Variants in ATP10B observed in about 807,000 individuals in gnomAD.
ATP10B encodes the protein ATPase phospholipid transporting 10B (putative).
ATP10B carries 122 observed loss-of-function variants against 141.2 expected under a neutral mutation model. The ratio of observed to expected loss-of-function variants is 0.86; its 90% CI spans 0.75 to 1.00. The LOEUF (loss-of-function observed/expected upper bound fraction) is 1.00. Ranked by LOEUF, ATP10B falls within the 50% of genes least tolerant of loss-of-function variation. ATP10B has a pLI of 0.00. For missense variants in ATP10B, 1,876 were observed against 1,825.3 expected (o/e 1.03, Z -0.51); for synonymous variants, 685 against 692.0 (o/e 0.99, Z 0.16).
chr5:160,721,584 G>A (rs1026172813), intron 2 of ATP10B, among the ~76,000 whole-genome samples: 4 of 152,190 alleles, frequency 2.6e-5, no homozygotes, highest in African/African-American at 9.6e-5. Flanking sequence ...AATGTGAGAG[G>A]CAGGTGGAAA....
the ATP10B span, among the ~76,000 whole-genome samples, chr5:160,921,023 G>C: frequency 1.3e-5 from 2 of 152,038 alleles, no homozygotes; most frequent in Non-Finnish European, 2.9e-5. Context: ...AAATCAAATA[G>C]TAAGCAGTGA....
chr5:160,632,619 G>GT, intron 12 of ATP10B: 1 of 177,066 alleles, frequency 5.6e-6, no homozygotes, highest in Non-Finnish European at 9.8e-6. Context: ...TTTCCTCAGA[G>GT]GTTTTTTTTT....
the ATP10B span, among the ~76,000 whole-genome samples, chr5:160,867,785 G>C: frequency 6.6e-6 from 1 of 151,974 alleles, no homozygotes; most frequent in Non-Finnish European, 1.5e-5. Context: ...CTGTGGATTT[G>C]GGAAGAAATC....
Position 160,565,896 on chromosome 5 carries a change from A to T in ATP10B, c.3943T>A (p.Phe1315Ile). ...CAAGTTCCTTGCAGAGACAGGAAAA[A>T]GTATCTGGTGGGAAACAACAGAATA... The part of the protein sequence containing the change: ...TPVVALLPRY[F>I]FLSLQGTCGK... The change falls in exon 26 of 26, where the codon TTT becomes ATT. Residue 1315 changes from phenylalanine (F) to isoleucine (I), a missense_variant. Coordinates refer to ENST00000327245, the MANE Select transcript of ATP10B (RefSeq NM_025153.3). 6.2e-7 allele frequency: 1 copy of T among 1,607,058 alleles called. No individual in the cohort carries two copies. The highest frequency in any genetic ancestry group is 8.5e-7 in the Non-Finnish European group (1 of 1,177,672).
the ATP10B span, among the ~76,000 whole-genome samples, chr5:160,908,399 G>T: frequency 6.6e-6 from 1 of 152,016 alleles, no homozygotes; most frequent in Non-Finnish European, 1.5e-5. Context: ...ATGTCCGCTG[G>T]CCCATAGTCA....
At chr5:160,792,114 C>T (rs1771612086) in intron 1 of ATP10B, among the ~76,000 whole-genome samples, 1 of 151,988 alleles carries the variant, frequency 6.6e-6, no homozygotes. Context: ...GGAAATAAAT[C>T]CCCCCCTCCC....
At chr5:160,888,659 G>T in the ATP10B span, among the ~76,000 whole-genome samples, 1 of 152,136 alleles carries the variant, frequency 6.6e-6, no homozygotes, top group Non-Finnish European at 1.5e-5. Flanking sequence ...GCAATTCCAT[G>T]TTCCCTTCTG....
intron 21 of ATP10B, 29 bp from the exon 22 acceptor site, chr5:160,598,999 T>C (rs373444145): frequency 1.9e-6 from 3 of 1,608,308 alleles, no homozygotes; most frequent in Non-Finnish European, 1.7e-6. Context: ...GCCTTGTGAG[T>C]GGGGCTCCAT....
At chr5:160,756,921 A>T (rs115792514) in intron 2 of ATP10B, among the ~76,000 whole-genome samples, 1,946 of 152,108 alleles carry the variant, frequency 0.013, 35 homozygotes, top group African/African-American at 0.044. Context: ...TTATTTTTGT[A>T]AGTCTTTTTT....
intron 2 of ATP10B, among the ~76,000 whole-genome samples, chr5:160,747,349 C>T (rs1767874624): frequency 6.6e-6 from 1 of 152,194 alleles, no homozygotes; most frequent in Non-Finnish European, 1.5e-5. Context: ...TAGCAGTCCT[C>T]TAAACAGCCT....
chr5:160,761,932 C>T (rs1769078257), intron 2 of ATP10B, among the ~76,000 whole-genome samples: 1 of 152,038 alleles, frequency 6.6e-6, no homozygotes, highest in Non-Finnish European at 1.5e-5. Context: ...AAATGCAAAA[C>T]ACACTGAAAG....
intron 24 of ATP10B, among the ~76,000 whole-genome samples, chr5:160,571,289 T>C (rs1754859139): frequency 6.6e-6 from 1 of 152,200 alleles, no homozygotes; most frequent in Non-Finnish European, 1.5e-5. Flanking sequence ...ATACTTCTTT[T>C]GACCAATTCA....
At chr5:160,882,880 G>A in the ATP10B span, among the ~76,000 whole-genome samples, 1 of 151,984 alleles carries the variant, frequency 6.6e-6, no homozygotes, top group African/African-American at 2.4e-5. Context: ...CAGATATCAA[G>A]TCAGAATTCT....
At chr5:160,575,369 G>GT (rs1040310885) in intron 24 of ATP10B, among the ~76,000 whole-genome samples, 19 of 151,876 alleles carry the variant, frequency 1.3e-4, no homozygotes, top group Admixed American at 2.6e-4. Flanking sequence ...GTAGCCTTTG[G>GT]TTTTTTATGG....
chr5:160,879,460 G>A, the ATP10B span, among the ~76,000 whole-genome samples: 6 of 138,006 alleles, frequency 4.3e-5, no homozygotes, highest in South Asian at 2.5e-4. Flanking sequence ...TGGGTGCAGC[G>A]CACCAGCATG....
chr5:160,735,878 T>G (rs1767083039), intron 2 of ATP10B, among the ~76,000 whole-genome samples: 1 of 152,130 alleles, frequency 6.6e-6, no homozygotes, highest in South Asian at 2.1e-4. Flanking sequence ...TTAAACAATG[T>G]GCTCCTGAAT....
At chr5:160,581,829 G>A (rs559480507) in intron 24 of ATP10B, among the ~76,000 whole-genome samples, 13 of 152,260 alleles carry the variant, frequency 8.5e-5, no homozygotes, top group Admixed American at 6.5e-4. Flanking sequence ...GAATCTGGGT[G>A]CCCTGTATTT....
the ATP10B span, among the ~76,000 whole-genome samples, chr5:160,883,724 C>G: frequency 6.6e-6 from 1 of 151,968 alleles, no homozygotes; most frequent in Admixed American, 6.6e-5. Flanking sequence ...TGTAAGCCTT[C>G]CAAATTATCA....
chr5:160,844,546 CTTTG>C (rs1214891196), intron 1 of ATP10B, among the ~76,000 whole-genome samples: 5 of 151,160 alleles, frequency 3.3e-5, no homozygotes, highest in South Asian at 4.2e-4. Flanking sequence ...TTAATAAATA[CTTTG>C]TTTTTTTTTT....
Sources: allele counts gnomAD v4.1 joint callset (sites outside exome capture counted in the v4.1 genomes callset), GRCh38; gene constraint gnomAD v4.1.1; transcripts MANE v1.5; gene names NCBI Gene and HGNC (gene_info 2026-07-23, HGNC 2026-07-21).